EYS: variants seen among roughly 807,000 people sequenced by gnomAD.
EYS encodes protein eyes shut homolog.
Under a neutral mutation model 282.1 loss-of-function variants are expected in EYS, and 250 were observed. The ratio of observed to expected loss-of-function variants is 0.89; its 90% CI spans 0.80 to 0.98. The LOEUF (loss-of-function observed/expected upper bound fraction) is 0.98, where lower values mean the gene tolerates loss of function less well. EYS is among the 50% of genes least tolerant of loss of function. The pLI is 0.00. For missense variants in EYS, 4,016 were observed against 3,709.0 expected (o/e 1.08, Z -2.15); for synonymous variants, 1,355 against 1,282.9 (o/e 1.06, Z -1.20).
At chr6:64,133,010 C>A (rs1774034309) in intron 31 of EYS, among the ~76,000 whole-genome samples, 1 of 151,928 alleles carries the variant, frequency 6.6e-6, no homozygotes, top group African/African-American at 2.4e-5. Flanking sequence ...ACTCTACACA[C>A]TGATTATATG....
chr6:63,831,460 G>C (rs1386792694), intron 36 of EYS, among the ~76,000 whole-genome samples: 1 of 152,106 alleles, frequency 6.6e-6, no homozygotes, highest in Admixed American at 6.6e-5. Context: ...AAGATCAAAA[G>C]AGACAAAGAA....
At chr6:65,350,457 A>G (rs1770555547) in intron 9 of EYS, among the ~76,000 whole-genome samples, 1 of 151,554 alleles carries the variant, frequency 6.6e-6, no homozygotes, top group Non-Finnish European at 1.5e-5. Context: ...TCACAAATGC[A>G]ACAATCACTA....
intron 26 of EYS, among the ~76,000 whole-genome samples, chr6:64,461,307 T>C (rs115383233): frequency 0.016 from 2,392 of 152,310 alleles, 22 homozygotes; most frequent in South Asian, 0.035. Flanking sequence ...TTATATGACA[T>C]TCTTTCAAAC....
intron 19 of EYS, among the ~76,000 whole-genome samples, chr6:64,836,189 T>C (rs200141075): frequency 7.4e-5 from 1 of 13,582 alleles, no homozygotes; most frequent in African/African-American, 1.6e-4. Context: ...ACATGTCATG[T>C]TTTTTTTCAT....
At chr6:65,271,634 G>A (rs1432701960) in intron 12 of EYS, among the ~76,000 whole-genome samples, 1 of 152,010 alleles carries the variant, frequency 6.6e-6, no homozygotes, top group Admixed American at 6.6e-5. Context: ...TCAGGCTGTA[G>A]TACAGTGGTA....
intron 12 of EYS, among the ~76,000 whole-genome samples, chr6:65,208,088 G>C (rs1480555557): frequency 6.6e-6 from 1 of 151,454 alleles, no homozygotes; most frequent in African/African-American, 2.4e-5. Context: ...TGCAGAATGG[G>C]AGAAAGTATT....
chr6:65,060,848 G>A (rs979514491), intron 12 of EYS, among the ~76,000 whole-genome samples: 2 of 149,892 alleles, frequency 1.3e-5, no homozygotes, highest in Non-Finnish European at 3.0e-5. Flanking sequence ...GTATGCTTAT[G>A]AAAATATTTT....
intron 12 of EYS, among the ~76,000 whole-genome samples, chr6:65,248,026 TTACTC>T (rs937733719): frequency 6.6e-6 from 1 of 151,924 alleles, no homozygotes; most frequent in African/African-American, 2.4e-5. Flanking sequence ...CCCCTACAAT[TTACTC>T]TATAAAAAAG....
At chr6:64,123,833 T>G (rs1307039351) in intron 31 of EYS, among the ~76,000 whole-genome samples, 1 of 152,198 alleles carries the variant, frequency 6.6e-6, no homozygotes, top group Non-Finnish European at 1.5e-5. Flanking sequence ...CATTCAAAGA[T>G]TGTGCCTTTG....
Position 65,205,444 on chromosome 6 carries a change from A to G in EYS, c.2023+90419T>C, listed in dbSNP as rs144059789. 2.3e-3 allele frequency among the ~76,000 whole-genome samples: 354 copies of G among 152,002 alleles called. 3 individuals are homozygous for G. The highest frequency in any genetic ancestry group is 8.1e-3 in the African/African-American group (337 of 41,554). ...TAACCTAAGAAAAGAGATTAATAGC[A>G]ATACAATATTAATTGGGAACTTCAA... On this transcript the variant is annotated intron_variant, in intron 12 of 42. Coordinates refer to ENST00000503581, the MANE Select transcript of EYS (RefSeq NM_001142800.2).
chr6:64,676,583 A>G (rs1051489605), intron 22 of EYS, among the ~76,000 whole-genome samples: 1 of 152,088 alleles, frequency 6.6e-6, no homozygotes, highest in Non-Finnish European at 1.5e-5. Context: ...AACTGTTAAC[A>G]TTTTGCCATA....
intron 22 of EYS, among the ~76,000 whole-genome samples, chr6:64,646,954 C>T (rs1239524834): frequency 6.6e-6 from 1 of 151,960 alleles, no homozygotes; most frequent in Non-Finnish European, 1.5e-5. Context: ...ATTTGTAAGG[C>T]ATTTTAATAA....
chr6:64,230,541 T>A (rs1766393775), intron 31 of EYS, 51 bp downstream of exon 31: 1 of 1,323,134 alleles, frequency 7.6e-7, no homozygotes, highest in Non-Finnish European at 1.1e-6. Context: ...CTGTCCATTC[T>A]CTGGAGAGGT....
At chr6:64,757,352 A>T (rs1772975289) in intron 22 of EYS, among the ~76,000 whole-genome samples, 1 of 152,106 alleles carries the variant, frequency 6.6e-6, no homozygotes, top group Non-Finnish European at 1.5e-5. Context: ...TATAACTCTT[A>T]GTGCACTGCC....
chr6:64,548,403 CA>C (rs1199796586), intron 26 of EYS, among the ~76,000 whole-genome samples: 1 of 152,154 alleles, frequency 6.6e-6, no homozygotes, highest in Non-Finnish European at 1.5e-5. Flanking sequence ...GCACTATTCA[CA>C]GTAGCAAAGA....
intron 26 of EYS, among the ~76,000 whole-genome samples, chr6:64,568,086 G>T (rs757821880): frequency 1.3e-5 from 2 of 152,136 alleles, no homozygotes; most frequent in Non-Finnish European, 2.9e-5. Flanking sequence ...TACAGTACCA[G>T]AGAAAAGTGA....
chr6:64,363,893 T>C (rs2150410092), intron 29 of EYS, among the ~76,000 whole-genome samples: 1 of 152,030 alleles, frequency 6.6e-6, no homozygotes, highest in Non-Finnish European at 1.5e-5. Flanking sequence ...AGAATAAGTG[T>C]AGTCATACAA....
At chr6:64,236,893 A>G (rs1766625709) in intron 30 of EYS, among the ~76,000 whole-genome samples, 3 of 152,084 alleles carry the variant, frequency 2.0e-5, no homozygotes, top group Admixed American at 6.6e-5. Flanking sequence ...CAGCACACCA[A>G]CATGGCACAT....
intron 28 of EYS, among the ~76,000 whole-genome samples, chr6:64,421,178 G>A (rs1774220291): frequency 6.6e-6 from 1 of 152,130 alleles, no homozygotes; most frequent in Admixed American, 6.6e-5. Context: ...AAATCATGGT[G>A]GGAGGGGAAG....
Sources: allele counts gnomAD v4.1 joint callset (sites outside exome capture counted in the v4.1 genomes callset), GRCh38; gene constraint gnomAD v4.1.1; transcripts MANE v1.5; gene names NCBI Gene and HGNC (gene_info 2026-07-23, HGNC 2026-07-21).